KMT2C: variants seen among roughly 807,000 people sequenced by gnomAD.
KMT2C encodes the protein histone-lysine N-methyltransferase 2C.
KMT2C carries 88 observed loss-of-function variants against 507.9 expected under a neutral mutation model. The observed-to-expected ratio is 0.17, with a 90% confidence interval of 0.15 to 0.21. The LOEUF (loss-of-function observed/expected upper bound fraction) is 0.21. Among genes scored for constraint, KMT2C ranks in the 10% least tolerant of loss-of-function variants. The probability of loss-of-function intolerance (pLI) is 1.00; values close to 1 mark genes in which losing one functional copy is unlikely to be tolerated. For synonymous variants in KMT2C, 2,049 were observed against 2,080.8 expected (o/e 0.98, Z 0.42); for missense variants, 4,954 against 5,957.8 (o/e 0.83, Z 5.55).
intron 34 of KMT2C, among the ~76,000 whole-genome samples, chr7:152,183,687 G>A (rs1327235646): frequency 2.0e-5 from 3 of 151,786 alleles, no homozygotes; most frequent in South Asian, 4.2e-4. Flanking sequence ...ACCTGAGGTC[G>A]GGAGTTCGAC....
chr7:152,357,154 C>A (rs971127445), intron 2 of KMT2C, among the ~76,000 whole-genome samples: 4 of 147,618 alleles, frequency 2.7e-5, no homozygotes, highest in Non-Finnish European at 6.0e-5. Context: ...ATGAGCCCGG[C>A]GGGTGGAGGT....
intron 20 of KMT2C, 27 bp from the exon 21 acceptor site, chr7:152,222,709 T>C (rs772052727): frequency 1.6e-5 from 22 of 1,361,198 alleles, no homozygotes; most frequent in Non-Finnish European, 9.4e-6. Context: ...TGTACATTTT[T>C]TTTAAAAAAT....
intron 39 of KMT2C, among the ~76,000 whole-genome samples, chr7:152,172,783 C>A (rs895741968): frequency 5.9e-5 from 9 of 152,160 alleles, no homozygotes; most frequent in Admixed American, 5.2e-4. Flanking sequence ...GCAAGTACCA[C>A]AACTATCACC....
intron 2 of KMT2C, among the ~76,000 whole-genome samples, chr7:152,340,115 C>G (rs2096977160): frequency 6.6e-6 from 1 of 151,668 alleles, no homozygotes; most frequent in Admixed American, 6.6e-5. Flanking sequence ...TCCCCACTAG[C>G]CAGGACTACA....
intron 9 of KMT2C, among the ~76,000 whole-genome samples, chr7:152,259,293 G>A (rs2095715180): frequency 6.6e-6 from 1 of 152,064 alleles, no homozygotes; most frequent in Non-Finnish European, 1.5e-5. Flanking sequence ...GTAAGTTTAG[G>A]AAGTTGATAG....
intron 1 of KMT2C, among the ~76,000 whole-genome samples, chr7:152,378,485 T>A (rs577550432): frequency 1.3e-5 from 2 of 152,362 alleles, no homozygotes; most frequent in South Asian, 4.1e-4. Flanking sequence ...CATTGGTTTT[T>A]TAAATATAAC....
At chr7:152,299,488 TA>T (rs1563776222) in intron 6 of KMT2C, among the ~76,000 whole-genome samples, 1 of 151,338 alleles carries the variant, frequency 6.6e-6, no homozygotes. Context: ...ACCCCATATA[TA>T]AAAAAATAAA....
rs2095510300 is a variant in KMT2C, at chr7:152,248,360, C to T, written c.2074G>A (p.Val692Ile). The T allele has an allele frequency of 5.6e-6, 9 of 1,613,956 alleles. No individual in the cohort carries two copies. The highest frequency in any genetic ancestry group is 7.6e-6 in the Non-Finnish European group (9 of 1,179,916). ...SRPPKLVMES[V>I]TLPLETLVSP... ...ACTAAGGTTTCTAGTGGAAGAGTGACAGATTCCATGACTAATTTTGGAGGC... is the reference window on the plus strand; with the variant it reads ...ACTAAGGTTTCTAGTGGAAGAGTGATAGATTCCATGACTAATTTTGGAGGC... The change falls in exon 14 of 59, where the codon GTC (valine) becomes ATC (isoleucine). Residue 692 changes from valine to isoleucine, a missense_variant. Val to Ile is a conservative substitution (Grantham distance 29). Transcript: ENST00000262189.
intron 2 of KMT2C, among the ~76,000 whole-genome samples, chr7:152,332,851 AACACAC>A (rs35781658): frequency 1.2e-3 from 167 of 138,602 alleles, no homozygotes; most frequent in Admixed American, 2.8e-3. Context: ...TGCGTCTCAA[AACACAC>A]ACACACACAC....
At chr7:152,153,250 C>T (rs1048353078) in intron 48 of KMT2C, among the ~76,000 whole-genome samples, 2 of 152,204 alleles carry the variant, frequency 1.3e-5, no homozygotes, top group African/African-American at 4.8e-5. Context: ...CCCGTCAGTT[C>T]CTACAGGTGG....
At chr7:152,211,990 G>A (rs1210856852) in intron 23 of KMT2C, among the ~76,000 whole-genome samples, 1 of 152,188 alleles carries the variant, frequency 6.6e-6, no homozygotes, top group African/African-American at 2.4e-5. Context: ...AGAGCTTGCA[G>A]TGAGCCGAGA....
Position 152,156,349 on chromosome 7 carries a change from G to A in KMT2C, c.11671-3C>T. Reference sequence around the variant, plus strand: ...GGAGGATTACTTAAATTATTCTGCTGCAGGAGACCAAAAAATTTAAATTAT... The same window carrying A: ...GGAGGATTACTTAAATTATTCTGCTACAGGAGACCAAAAAATTTAAATTAT... On this transcript the variant is annotated splice_region_variant and splice_polypyrimidine_tract_variant and intron_variant, in intron 44 of 58. Coordinates refer to ENST00000262189, the MANE Select transcript of KMT2C (RefSeq NM_170606.3). The A allele has an allele frequency of 6.2e-7, 1 of 1,613,480 alleles. No individual in the cohort carries two copies. Among genetic ancestry groups the A allele is most frequent in the Non-Finnish European group, 8.5e-7 (1 of 1,179,718 alleles).
intron 1 of KMT2C, among the ~76,000 whole-genome samples, chr7:152,430,809 C>T (rs953670065): frequency 6.6e-6 from 1 of 152,194 alleles, no homozygotes; most frequent in African/African-American, 2.4e-5. Flanking sequence ...GCTGGGATTA[C>T]ATATATCAGC....
At chr7:152,390,776 T>G (rs2097486847) in intron 1 of KMT2C, among the ~76,000 whole-genome samples, 1 of 152,096 alleles carries the variant, frequency 6.6e-6, no homozygotes, top group Non-Finnish European at 1.5e-5. Context: ...ATTAGACACC[T>G]GCTACACACA....
At chr7:152,345,105 A>G (rs928181291) in intron 2 of KMT2C, among the ~76,000 whole-genome samples, 1 of 151,972 alleles carries the variant, frequency 6.6e-6, no homozygotes, top group African/African-American at 2.4e-5. Context: ...GATATGGTAG[A>G]TATCCATTCC....
chr7:152,417,983 C>T (rs1055108584), intron 1 of KMT2C, among the ~76,000 whole-genome samples: 2 of 143,728 alleles, frequency 1.4e-5, no homozygotes, highest in South Asian at 2.3e-4. Flanking sequence ...GATGGAGTCT[C>T]ACTCTGTCAC....
Position 152,411,836 on chromosome 7 carries a change from A to G in KMT2C, c.161+23790T>C, listed in dbSNP as rs906546832. Among the ~76,000 whole-genome samples, 24 of 152,412 alleles carry G rather than the reference A, an allele frequency of 1.6e-4. No homozygotes were observed. In the East Asian group the frequency reaches 1.9e-3, roughly 12 times the overall value. On this transcript the variant is annotated intron_variant, in intron 1 of 58. Coordinates refer to ENST00000262189, the MANE Select transcript of KMT2C (RefSeq NM_170606.3). ...ACGCGTTTTAACATCATTTTGCATC[A>G]CAATGTTAAAATCTTGGGTTAACTC...
In KMT2C at chr7:152,408,165, G is replaced by A. The variant is rs1275573871; in HGVS notation, c.161+27461C>T. The stretch of plus-strand genomic sequence containing the variant: ...TAGGTGGGTGTGGTGACGTGTGCCT[G>A]TAATCCCAGCCACCTGGGAGGCTGA... On this transcript the variant is annotated intron_variant, in intron 1 of 58. Coordinates refer to ENST00000262189, the MANE Select transcript of KMT2C (RefSeq NM_170606.3). 1.1e-4 allele frequency among the ~76,000 whole-genome samples: 16 copies of A among 152,276 alleles called. No individual in the cohort carries two copies. The East Asian group carries it at 2.9e-3, about 28-fold the overall frequency.
intron 2 of KMT2C, among the ~76,000 whole-genome samples, chr7:152,342,189 T>C (rs909212889): frequency 1.3e-5 from 2 of 152,124 alleles, no homozygotes; most frequent in African/African-American, 4.8e-5. Context: ...AATTAACAAA[T>C]AATTAGACCA....
Sources: allele counts gnomAD v4.1 joint callset (sites outside exome capture counted in the v4.1 genomes callset), GRCh38; gene constraint gnomAD v4.1.1; transcripts MANE v1.5; gene names NCBI Gene and HGNC (gene_info 2026-07-23, HGNC 2026-07-21).